SGCD: variants seen among roughly 807,000 people sequenced by gnomAD.
SGCD encodes the protein sarcoglycan delta.
Under a neutral mutation model 36.6 loss-of-function variants are expected in SGCD, and 18 were observed. The observed-to-expected ratio is 0.49, with a 90% CI of 0.34 to 0.73. The LOEUF is 0.73. Among genes scored for constraint, SGCD ranks in the 30% least tolerant of loss-of-function variants. The pLI is 0.01. For missense variants in SGCD, 387 were observed against 346.7 expected, an observed-to-expected ratio of 1.12 and a Z score of -0.92; for synonymous variants, 133 against 130.6, an observed-to-expected ratio of 1.02 and a Z score of -0.12.
Position 156,767,548 on chromosome 5 carries a change from T to C in SGCD, c.*8158T>C, listed in dbSNP as rs926085468. 2.4e-4 allele frequency: 36 copies of C among 152,140 alleles called. No homozygotes were observed. The highest frequency in any genetic ancestry group is 8.4e-4 in the African/African-American group (35 of 41,532). The allele number at this position is 152,140 out of a possible 1,614,324, so 9.4% of individuals were successfully genotyped here. On this transcript the variant is annotated 3_prime_UTR_variant, in exon 9 of 9. Transcript: ENST00000337851. ...TTGAGTTCAGCCTTTGGATTATTTT[T>C]GGTTTGGTTTTTCTCTGGTTTTGGG... is the stretch of plus-strand genomic sequence containing the variant.
At chr5:156,284,759 GCA>G (rs1433791208) in intron 3 of SGCD, among the ~76,000 whole-genome samples, 1 of 152,064 alleles carries the variant, frequency 6.6e-6, no homozygotes, top group Non-Finnish European at 1.5e-5. Context: ...TTGAAAACTG[GCA>G]CAAGACAGGG....
the SGCD span, among the ~76,000 whole-genome samples, chr5:155,783,321 T>C: frequency 6.6e-6 from 1 of 152,182 alleles, no homozygotes. Flanking sequence ...AAGGACTTTT[T>C]AAAGTTGCAA....
the SGCD span, among the ~76,000 whole-genome samples, chr5:155,803,620 C>A: frequency 6.6e-6 from 1 of 152,308 alleles, no homozygotes; most frequent in Admixed American, 6.5e-5. Context: ...AGCAAGCAGG[C>A]AAACTCTGTC....
At chr5:156,032,307 C>T (rs562083554) in intron 1 of SGCD, among the ~76,000 whole-genome samples, 174 of 152,236 alleles carry the variant, frequency 1.1e-3, no homozygotes, top group African/African-American at 3.3e-3. Flanking sequence ...GACATTGAGA[C>T]TCACCCTGTC....
intron 1 of SGCD, among the ~76,000 whole-genome samples, chr5:155,938,575 A>G (rs1409471551): frequency 6.6e-6 from 1 of 152,136 alleles, no homozygotes; most frequent in Non-Finnish European, 1.5e-5. Context: ...GAATGTTCTT[A>G]ATTGGGCTGT....
chr5:155,738,392 G>C, the SGCD span, among the ~76,000 whole-genome samples: 1 of 152,120 alleles, frequency 6.6e-6, no homozygotes, highest in Non-Finnish European at 1.5e-5. Context: ...CAAAGATATA[G>C]GTGGACAAAA....
chr5:156,456,037 CTG>C (rs967490403), intron 3 of SGCD, among the ~76,000 whole-genome samples: 2 of 152,170 alleles, frequency 1.3e-5, no homozygotes, highest in African/African-American at 4.8e-5. Flanking sequence ...GTCCCCAAAA[CTG>C]TGAAAGAATC....
At chr5:156,338,590 G>A (rs2127711511) in intron 2 of SGCD, among the ~76,000 whole-genome samples, 1 of 152,210 alleles carries the variant, frequency 6.6e-6, no homozygotes, top group South Asian at 2.1e-4. Context: ...GTCGAAAATG[G>A]CAGACTTATC....
chr5:156,466,139 A>G (rs962382424), intron 3 of SGCD, among the ~76,000 whole-genome samples: 1 of 152,166 alleles, frequency 6.6e-6, no homozygotes, highest in African/African-American at 2.4e-5. Flanking sequence ...TTTTCAATAT[A>G]TTGTGAGAGT....
At position 156,234,232 on chromosome 5, in the gene SGCD, A is replaced by T. The variant is rs1399621218; in HGVS notation, c.-43-95302A>T. ...TAGCCTATTTTTAGTTGGGTTGTCT[A>T]TCTTTTTATTATTGAGTTTTAAGGG... On this transcript the variant is annotated intron_variant, in intron 3 of 9. Transcript: ENST00000517913. Among the ~76,000 whole-genome samples, 14 of 152,250 alleles carry T rather than the reference A, an allele frequency of 9.2e-5. No homozygotes were observed. In the South Asian group the frequency reaches 2.7e-3, roughly 29 times the overall value.
At chr5:156,238,982 A>T (rs249892) in intron 3 of SGCD, among the ~76,000 whole-genome samples, 1 of 151,952 alleles carries the variant, frequency 6.6e-6, no homozygotes, top group African/African-American at 2.4e-5. Flanking sequence ...TGGACCAAAG[A>T]CATTCTGAAT....
At chr5:156,001,021 C>A (rs1175196352) in intron 1 of SGCD, among the ~76,000 whole-genome samples, 2 of 152,078 alleles carry the variant, frequency 1.3e-5, no homozygotes, top group African/African-American at 4.8e-5. Flanking sequence ...TTCACTGGGA[C>A]CATCCAAGGG....
intron 3 of SGCD, among the ~76,000 whole-genome samples, chr5:156,348,549 G>A (rs1769065516): frequency 6.6e-6 from 1 of 152,000 alleles, no homozygotes; most frequent in African/African-American, 2.4e-5. Flanking sequence ...TAAGCAAGGA[G>A]GTAAAAGATC....
chr5:155,878,963 T>A (rs1474204624), intron 1 of SGCD, among the ~76,000 whole-genome samples: 1 of 152,040 alleles, frequency 6.6e-6, no homozygotes. Context: ...TAAAACTGAG[T>A]CTGAATTTTT....
chr5:156,271,646 TGAGAGA>T (rs901214079), intron 3 of SGCD, among the ~76,000 whole-genome samples: 1 of 151,650 alleles, frequency 6.6e-6, no homozygotes, highest in African/African-American at 2.4e-5. Flanking sequence ...TGTGTGTGTG[TGAGAGA>T]GAGAGAGTGT....
intron 3 of SGCD, among the ~76,000 whole-genome samples, chr5:156,388,979 A>T (rs961955285): frequency 6.6e-6 from 1 of 152,092 alleles, no homozygotes; most frequent in Non-Finnish European, 1.5e-5. Flanking sequence ...TTCTGTAATG[A>T]GTGTAAGACA....
chr5:156,393,614 T>C (rs1053188018), intron 3 of SGCD: 1 of 411,624 alleles, frequency 2.4e-6, no homozygotes, highest in African/African-American at 2.0e-5. Flanking sequence ...GTCATGTTAA[T>C]AGGTTGAAAT....
chr5:155,972,784 T>C (rs1758033198), intron 1 of SGCD, among the ~76,000 whole-genome samples: 1 of 152,132 alleles, frequency 6.6e-6, no homozygotes, highest in African/African-American at 2.4e-5. Context: ...ACAATTTTTA[T>C]ATATTTATTT....
the SGCD span, among the ~76,000 whole-genome samples, chr5:155,840,609 T>C: frequency 1.3e-5 from 2 of 149,756 alleles, no homozygotes; most frequent in East Asian, 4.0e-4. Context: ...TGTGTGTGTG[T>C]GCACTTCTTA....
Sources: gnomAD v4.1 joint callset for allele counts (sites outside exome capture counted in the v4.1 genomes callset) on GRCh38, gnomAD v4.1.1 for gene constraint, MANE v1.5 for transcripts, NCBI Gene and HGNC (gene_info 2026-07-23, HGNC 2026-07-21) for gene names.